Variants in PIN4 observed in about 807,000 individuals in gnomAD.
PIN4 encodes the protein peptidylprolyl cis/trans isomerase, NIMA-interacting 4, also known as peptidyl-prolyl cis-trans isomerase NIMA-interacting 4.
A neutral mutation model predicts 8.3 loss-of-function variants in PIN4; 3 were observed. The observed-to-expected ratio is 0.36, with a 90% CI of 0.16 to 0.93. The LOEUF (loss-of-function observed/expected upper bound fraction) is 0.93. PIN4 is among the 40% of genes least tolerant of loss of function. The pLI is 0.44. For synonymous variants in PIN4, 18 were observed against 32.5 expected (o/e 0.55, Z 1.52); for missense variants, 75 against 100.6 (o/e 0.75, Z 1.09).
intron 3 of PIN4, among the ~76,000 whole-genome samples, chrX:72,260,417 C>T (rs2043133883): frequency 8.9e-6 from 1 of 112,644 alleles, no homozygotes; most frequent in African/African-American, 3.2e-5. Flanking sequence ...GACCCTTTCA[C>T]TCTGTCCTCC....
intron 3 of PIN4, among the ~76,000 whole-genome samples, chrX:72,219,721 C>T (rs760958939): frequency 5.5e-5 from 6 of 108,455 alleles, no homozygotes; most frequent in East Asian, 3.0e-4. Context: ...TGGTGGTGCA[C>T]GCCTGTCATC....
intron 3 of PIN4, among the ~76,000 whole-genome samples, chrX:72,254,828 C>T (rs2043102827): frequency 8.9e-6 from 1 of 112,463 alleles, no homozygotes; most frequent in Non-Finnish European, 1.9e-5. Flanking sequence ...AAATTTCTCA[C>T]TAATTCCAGC....
rs1311831095 is a variant in PIN4 at position 72,197,384 on chromosome X, T to C, written c.254T>C (p.Met85Thr). Reference sequence around the variant, plus strand: ...GTTTTTCAGGGTGACTTGGGTTGGATGACCAGAGGGTCCATGGTGGGACCA... The same window carrying C: ...GTTTTTCAGGGTGACTTGGGTTGGACGACCAGAGGGTCCATGGTGGGACCA... Reference protein sequence around the residue: ...KARQGGDLGWMTRGSMVGPFQ... With the variant: ...KARQGGDLGWTTRGSMVGPFQ... The change falls in exon 4 of 4, where the codon ATG becomes ACG. Residue 85 changes from methionine (M) to threonine (T), a missense_variant. Met to Thr is a moderately conservative substitution (Grantham distance 81). Transcript: ENST00000373669. 8.3e-7 allele frequency: 1 copy of C among 1,204,204 alleles called. No individual in the cohort carries two copies. Among genetic ancestry groups the C allele is most frequent in the Non-Finnish European group, 1.1e-6 (1 of 891,617 alleles).
downstream of PIN4, among the ~76,000 whole-genome samples, chrX:72,199,336 A>ACC (rs2042781251): frequency 1.8e-5 from 2 of 111,331 alleles, no homozygotes; most frequent in African/African-American, 6.5e-5. Flanking sequence ...GGAATTTAAG[A>ACC]AGACCAGCCT....
intron 3 of PIN4, among the ~76,000 whole-genome samples, chrX:72,242,988 G>A (rs777478311): frequency 1.9e-5 from 2 of 103,462 alleles, no homozygotes; most frequent in South Asian, 9.0e-4. Flanking sequence ...ACTCCAGTCT[G>A]GGCGACAGAG....
At chrX:72,248,200 G>A (rs2043073938) in intron 3 of PIN4, among the ~76,000 whole-genome samples, 1 of 102,131 alleles carries the variant, frequency 9.8e-6, no homozygotes, top group South Asian at 4.6e-4. Context: ...CTTCCCTTCA[G>A]TGAGCAGATA....
At chrX:72,196,459 G>A (rs942898637) in intron 2 of PIN4, among the ~76,000 whole-genome samples, 2 of 107,502 alleles carry the variant, frequency 1.9e-5, no homozygotes, top group African/African-American at 6.8e-5. Flanking sequence ...GCTTGAACCC[G>A]GGAGGCAGAG....
chrX:72,227,236 G>GTA (rs954183136), intron 3 of PIN4, among the ~76,000 whole-genome samples: 1 of 111,838 alleles, frequency 8.9e-6, no homozygotes, highest in African/African-American at 3.3e-5. Flanking sequence ...CAGGTTCAGG[G>GTA]TGCCTCTTTC....
chrX:72,256,115 T>C (rs757727244), intron 3 of PIN4: 2 of 111,752 alleles, frequency 1.8e-5, no homozygotes, highest in Admixed American at 1.9e-4. Context: ...AAGCACCTAC[T>C]ATATGTCAGG....
chrX:72,256,668 A>G (rs903238688), intron 3 of PIN4, among the ~76,000 whole-genome samples: 8 of 111,788 alleles, frequency 7.2e-5, no homozygotes, highest in Non-Finnish European at 1.3e-4. Context: ...GTCAAAAGGG[A>G]GAAAAAAAAC....
chrX:72,186,810 C>T (rs1424228805), intron 2 of PIN4, among the ~76,000 whole-genome samples: 1 of 111,327 alleles, frequency 9.0e-6, no homozygotes, highest in Non-Finnish European at 1.9e-5. Context: ...ATCCTAGCTA[C>T]TTGGGAGGCT....
In PIN4 at chrX:72,205,160, G is replaced by A. The variant is rs1354777511; in HGVS notation, c.312+8256G>A. The A allele has an allele frequency of 1.7e-6, 2 of 1,211,642 alleles. No homozygotes were observed. The highest frequency in any genetic ancestry group is 1.1e-6 in the Non-Finnish European group (1 of 895,500). On this transcript the variant is annotated intron_variant, in intron 3 of 3. Transcript: ENST00000423432. The stretch of plus-strand genomic sequence containing the variant: ...TTTAGTTCTTTTCCACGCTTTACAA[G>A]AGTCTCATAGTCATTTGTAGCCTCT...
chrX:72,188,460 C>G (rs2042714940), intron 2 of PIN4, among the ~76,000 whole-genome samples: 1 of 110,963 alleles, frequency 9.0e-6, no homozygotes, highest in African/African-American at 3.3e-5. Flanking sequence ...CAGGTTCAAG[C>G]GATTGTCCTG....
intron 3 of PIN4, among the ~76,000 whole-genome samples, chrX:72,203,508 C>A (rs1163431558): frequency 9.0e-6 from 1 of 111,303 alleles, no homozygotes. Flanking sequence ...CTGATGCTAA[C>A]CCTGGGTAGT....
At chrX:72,195,426 T>C (rs980511010) in intron 2 of PIN4, among the ~76,000 whole-genome samples, 1 of 111,230 alleles carries the variant, frequency 9.0e-6, no homozygotes. Flanking sequence ...CAGATCACTT[T>C]AGGCCAGGAA....
intron 3 of PIN4, among the ~76,000 whole-genome samples, chrX:72,209,336 CCCA>C (rs1335336067): frequency 8.9e-6 from 1 of 112,032 alleles, no homozygotes; most frequent in Non-Finnish European, 1.9e-5. Flanking sequence ...CTACTCTAGA[CCCA>C]TATTCCAGCT....
At chrX:72,218,602 T>A (rs1426161405) in intron 3 of PIN4, among the ~76,000 whole-genome samples, 1 of 109,242 alleles carries the variant, frequency 9.2e-6, no homozygotes. Flanking sequence ...CAAGCGACTG[T>A]CCTGCCTCAA....
chrX:72,207,575 G>A (rs144123832), intron 3 of PIN4: 48 of 1,209,516 alleles, frequency 4.0e-5, no homozygotes, highest in East Asian at 1.5e-4. Flanking sequence ...AAAGGTGAGC[G>A]CGTCTCCATT....
At chrX:72,232,416 CAAAAAAAAAA>C (rs11302655) in intron 3 of PIN4, among the ~76,000 whole-genome samples, 1 of 35,096 alleles carries the variant, frequency 2.8e-5, no homozygotes, top group African/African-American at 1.1e-4. Context: ...AGACCTGCCT[CAAAAAAAAAA>C]AAAAAAAAAA....
Sources: allele counts gnomAD v4.1 joint callset (sites outside exome capture counted in the v4.1 genomes callset), GRCh38; gene constraint gnomAD v4.1.1; transcripts MANE v1.5; gene names NCBI Gene and HGNC (gene_info 2026-07-23, HGNC 2026-07-21).